The following SDR42E2 variants were observed in gnomAD, a reference collection of about 807,000 sequenced individuals.
SDR42E2 encodes the protein putative short-chain dehydrogenase/reductase family 42E member 2.
SDR42E2 carries 20 observed loss-of-function variants against 10.5 expected under a neutral mutation model. That is an observed-to-expected ratio of 1.90 (90% confidence interval 1.34 to 2.77). The LOEUF (loss-of-function observed/expected upper bound fraction) is 2.77, where lower values mean the gene tolerates loss of function less well. SDR42E2 is among the 30% of genes most tolerant of loss of function. The pLI, the probability that SDR42E2 is intolerant of heterozygous loss-of-function variation, is 0.00. For synonymous variants in SDR42E2, 72 were observed against 39.2 expected, an observed-to-expected ratio of 1.84 and a Z score of -3.12; for missense variants, 162 against 104.2, an observed-to-expected ratio of 1.55 and a Z score of -2.42.
At chr16:22,181,400 A>G (rs2046692141) in intron 8 of SDR42E2, 119 bp from the exon 9 acceptor site, 2 of 659,828 alleles carry the variant, frequency 3.0e-6, no homozygotes, top group East Asian at 2.7e-5. Flanking sequence ...CATTGGATAC[A>G]TGAGCCTGGA....
chr16:22,171,050 G>C, intron 6 of SDR42E2, 99 bp downstream of exon 6: 1 of 685,728 alleles, frequency 1.5e-6, no homozygotes, highest in East Asian at 2.7e-5. Context: ...TCACAACTCA[G>C]GATACGTCCT....
rs946073103 is a variant in SDR42E2, at chr16:22,174,282, G to A, written c.589+1951G>A. Among the ~76,000 whole-genome samples the A allele has an allele frequency of 5.9e-5, 9 of 152,084 alleles. No homozygotes were observed. The South Asian group carries it at 1.7e-3, about 28-fold the overall frequency. On this transcript the variant is annotated intron_variant, in intron 7 of 12. Coordinates refer to ENST00000602312, the MANE Select transcript of SDR42E2 (RefSeq NM_001394319.2). The stretch of plus-strand genomic sequence containing the variant: ...CAGGGAGCAGAGGTTGCAGTGAGCC[G>A]AGATTGTGCCACTACACTCCAGCCT...
intron 5 of SDR42E2, among the ~76,000 whole-genome samples, chr16:22,170,197 C>A (rs13332119): frequency 0.023 from 3,409 of 148,506 alleles, 111 homozygotes; most frequent in African/African-American, 0.077. Flanking sequence ...TCTACTAAAA[C>A]TACAAAATTA....
chr16:22,171,455 G>T (rs2046600300), intron 6 of SDR42E2, among the ~76,000 whole-genome samples: 1 of 151,896 alleles, frequency 6.6e-6, no homozygotes, highest in Non-Finnish European at 1.5e-5. Flanking sequence ...GGCCAGGATG[G>T]TCTCCATCTC....
chr16:22,190,143 G>T lies in SDR42E2; in HGVS notation c.1019G>T (p.Arg340Leu), dbSNP rs1242680363. Residue 340 changes from arginine (R) to leucine (L), a missense_variant, in exon 13 of 13, where the codon CGC (arginine) becomes CTC (leucine). Physicochemically the swap from Arg to Leu is moderately radical, Grantham distance 102. Coordinates refer to ENST00000602312, the MANE Select transcript of SDR42E2 (RefSeq NM_001394319.2). Reference sequence around the variant, plus strand: ...ATGCCCCGCCTGTCCCCGCAGGTGCGCAGCGTGGCCGTGACGCACACCTTC... The same window carrying T: ...ATGCCCCGCCTGTCCCCGCAGGTGCTCAGCGTGGCCGTGACGCACACCTTC... The part of the protein sequence containing the change: ...LPPLLTRSEV[R>L]SVAVTHTFQI... 2 of 400,868 alleles carry T rather than the reference G, an allele frequency of 5.0e-6. No homozygotes were observed. Among genetic ancestry groups the T allele is most frequent in the Non-Finnish European group, 8.8e-6 (2 of 226,112 alleles). 24.8% of individuals were successfully genotyped at this position (400,868 alleles called of 1,614,324 possible).
intron 7 of SDR42E2, among the ~76,000 whole-genome samples, chr16:22,175,012 C>G (rs539405069): frequency 6.6e-6 from 1 of 152,248 alleles, no homozygotes; most frequent in African/African-American, 2.4e-5. Context: ...TCTGACTCGG[C>G]GCAGAGGTCC....
intron 8 of SDR42E2, 127 bp from the exon 9 acceptor site, chr16:22,181,392 T>A: frequency 1.5e-6 from 1 of 647,560 alleles, no homozygotes. Flanking sequence ...TCAGAGAGCA[T>A]TGGATACATG....
intron 8 of SDR42E2, among the ~76,000 whole-genome samples, chr16:22,180,130 A>T (rs1314203188): frequency 1.3e-5 from 2 of 152,160 alleles, no homozygotes; most frequent in Non-Finnish European, 2.9e-5. Flanking sequence ...CTGGGGCCAG[A>T]TCAGGAAGGG....
intron 11 of SDR42E2, among the ~76,000 whole-genome samples, chr16:22,185,856 T>G (rs1006484602): frequency 6.6e-5 from 10 of 152,028 alleles, no homozygotes; most frequent in Non-Finnish European, 1.2e-4. Context: ...ATCCTCCCAC[T>G]TCAGCCTCCA....
Position 22,191,744 on chromosome 16 carries a change from G to T in SDR42E2, c.*1351G>T, listed in dbSNP as rs1026011271. ...GATGAAGTACCAATAAAGCTATAATGGGAAAAATAGAGTTTAGTTGGTTAT... is the reference window on the plus strand; with the variant it reads ...GATGAAGTACCAATAAAGCTATAATTGGAAAAATAGAGTTTAGTTGGTTAT... On this transcript the variant is annotated 3_prime_UTR_variant, in exon 13 of 13. Coordinates refer to ENST00000602312, the MANE Select transcript of SDR42E2 (RefSeq NM_001394319.2). 5 of 151,804 alleles carry T rather than the reference G, an allele frequency of 3.3e-5. No individual in the cohort carries two copies. In the South Asian group the frequency reaches 1.0e-3, roughly 31 times the overall value. The allele number at this position is 151,804 out of a possible 1,614,324, so 9.4% of individuals were successfully genotyped here. A position where few individuals can be genotyped will look rare whatever the true frequency, so the allele number is the denominator to read the frequency against.
chr16:22,168,820 C>T (rs2046568405), intron 4 of SDR42E2, among the ~76,000 whole-genome samples: 1 of 151,964 alleles, frequency 6.6e-6, no homozygotes, highest in Admixed American at 6.6e-5. Flanking sequence ...TTGCAGTGAG[C>T]CAAGATTGTA....
chr16:22,181,265 A>T (rs576686934), intron 8 of SDR42E2, among the ~76,000 whole-genome samples: 1 of 152,120 alleles, frequency 6.6e-6, no homozygotes, highest in Non-Finnish European at 1.5e-5. Context: ...TGAGTGGTAG[A>T]GTGAACTGAC....
At position 22,177,645 on chromosome 16, in the gene SDR42E2, G is replaced by GAAAGAA. The variant is rs984256679; in HGVS notation, c.590-474_590-469dup. The stretch of plus-strand genomic sequence containing the variant: ...TCCATCTCAAAAAAAAAGAAATAAA[G>GAAAGAA]AAAGAAAAAGAAAAAGGAAAAGGAA... On this transcript the variant is annotated intron_variant, in intron 7 of 12. Coordinates refer to ENST00000602312, the MANE Select transcript of SDR42E2 (RefSeq NM_001394319.2). Among the ~76,000 whole-genome samples the GAAAGAA allele has an allele frequency of 3.3e-5, 5 of 151,236 alleles. No individual in the cohort carries two copies. In the South Asian group the frequency reaches 1.0e-3, roughly 32 times the overall value.
chr16:22,185,830 C>A (rs1398443681), intron 11 of SDR42E2, among the ~76,000 whole-genome samples: 3 of 152,106 alleles, frequency 2.0e-5, no homozygotes, highest in African/African-American at 7.2e-5. Flanking sequence ...TGGTATCGAA[C>A]TCCTGGCCTG....
chr16:22,172,142 T>G lies in SDR42E2; in HGVS notation c.514-114T>G, dbSNP rs1463287746. The G allele has an allele frequency of 4.5e-6, 3 of 672,040 alleles. No individual in the cohort carries two copies. The African/African-American group carries it at 5.3e-5, about 12-fold the overall frequency. The allele number at this position is 672,040 out of a possible 1,614,324, so 41.6% of individuals were successfully genotyped here. A position where few individuals can be genotyped will look rare whatever the true frequency, so the allele number is the denominator to read the frequency against. On this transcript the variant is annotated intron_variant, in intron 6 of 12. Transcript: ENST00000602312. The stretch of plus-strand genomic sequence containing the variant: ...AGGAAAGGCCATGGGGCTCAGGGCC[T>G]GGCCATATCCCAGTGGGAGTCCCCA...
rs923991129 is a variant in SDR42E2 at position 22,184,304 on chromosome 16, T to G, written c.940+60T>G. 6 of 399,146 alleles carry G rather than the reference T, an allele frequency of 1.5e-5. No homozygotes were observed. The Admixed American group carries it at 2.2e-4, about 15-fold the overall frequency. 24.7% of individuals were successfully genotyped at this position (399,146 alleles called of 1,614,324 possible). A position where few individuals can be genotyped will look rare whatever the true frequency, so the allele number is the denominator to read the frequency against. On this transcript the variant is annotated intron_variant, in intron 11 of 12. Coordinates refer to ENST00000602312, the MANE Select transcript of SDR42E2 (RefSeq NM_001394319.2). Reference sequence around the variant, plus strand: ...TGTGCCAGGTGTACCTTGCATTGCCTTAATTGAAACTCAGGGGCCAGGCAC... The same window carrying G: ...TGTGCCAGGTGTACCTTGCATTGCCGTAATTGAAACTCAGGGGCCAGGCAC...
At chr16:22,185,077 G>C (rs1038882911) in intron 11 of SDR42E2, among the ~76,000 whole-genome samples, 2 of 152,094 alleles carry the variant, frequency 1.3e-5, no homozygotes, top group African/African-American at 4.8e-5. Context: ...TTCTCCTCCT[G>C]TCCCTGAAGG....
intron 7 of SDR42E2, among the ~76,000 whole-genome samples, chr16:22,175,050 G>A (rs766494497): frequency 4.6e-5 from 7 of 152,276 alleles, no homozygotes; most frequent in South Asian, 2.1e-4. Flanking sequence ...GTCCTGAGGC[G>A]TGCAGATCCT....
chr16:22,191,493 T>C lies in SDR42E2; in HGVS notation c.*1100T>C, dbSNP rs929790595. On this transcript the variant is annotated 3_prime_UTR_variant, in exon 13 of 13. Coordinates refer to ENST00000602312, the MANE Select transcript of SDR42E2 (RefSeq NM_001394319.2). ...TCGGCTGCTGCTCTGTCTGGTAACA[T>C]TGCATTCGATCCACCCCGACCCAAT... is the stretch of plus-strand genomic sequence containing the variant. 17 of 152,100 alleles carry C rather than the reference T, an allele frequency of 1.1e-4. No homozygotes were observed. The highest frequency in any genetic ancestry group is 1.9e-4 in the East Asian group (1 of 5,192). 9.4% of individuals were successfully genotyped at this position (152,100 alleles called of 1,614,324 possible). A position where few individuals can be genotyped will look rare whatever the true frequency, so the allele number is the denominator to read the frequency against.
Sources: gnomAD v4.1 joint callset for allele counts (sites outside exome capture counted in the v4.1 genomes callset) on GRCh38, gnomAD v4.1.1 for gene constraint, MANE v1.5 for transcripts, NCBI Gene and HGNC (gene_info 2026-07-23, HGNC 2026-07-21) for gene names.